FAM149B1: variants seen among roughly 807,000 people sequenced by gnomAD.
The protein encoded by FAM149B1 is primary cilium assembly protein FAM149B1.
Under a neutral mutation model 75.3 loss-of-function variants are expected in FAM149B1, and 56 were observed. The ratio of observed to expected loss-of-function variants is 0.74; its 90% confidence interval spans 0.60 to 0.93. FAM149B1 has a LOEUF of 0.93. Among genes scored for constraint, FAM149B1 ranks in the 40% least tolerant of loss-of-function variants. The pLI, the probability that FAM149B1 is intolerant of heterozygous loss-of-function variation, is 0.00. For missense variants in FAM149B1, 639 were observed against 708.4 expected, an observed-to-expected ratio of 0.90 and a Z score of 1.11; for synonymous variants, 259 against 256.1, an observed-to-expected ratio of 1.01 and a Z score of -0.11.
chr10:73,230,102 G>C (rs2133399203), intron 8 of FAM149B1, among the ~76,000 whole-genome samples: 1 of 152,226 alleles, frequency 6.6e-6, no homozygotes, highest in Middle Eastern at 3.4e-3. Context: ...TTTTGTCTGT[G>C]AGTTTTCTCT....
intron 3 of FAM149B1, among the ~76,000 whole-genome samples, chr10:73,180,710 TAAAAC>T (rs2042375904): frequency 1.3e-5 from 2 of 152,204 alleles, no homozygotes; most frequent in Admixed American, 1.3e-4. Flanking sequence ...TTTCATGGCT[TAAAAC>T]AAAATCCATT....
chr10:73,202,689 T>TTTTGTTTG (rs533683756), intron 5 of FAM149B1, among the ~76,000 whole-genome samples: 3 of 148,826 alleles, frequency 2.0e-5, no homozygotes, highest in Non-Finnish European at 1.5e-5. Flanking sequence ...CCTTTTTTTG[T>TTTTGTTTG]TTTGTTTGTT....
chr10:73,202,765 A>C (rs1022261319), intron 5 of FAM149B1, among the ~76,000 whole-genome samples: 1 of 151,502 alleles, frequency 6.6e-6, no homozygotes, highest in East Asian at 1.9e-4. Context: ...ATCTCAGCTC[A>C]TTACAGCCTT....
intron 4 of FAM149B1, 148 bp downstream of exon 4, chr10:73,192,846 G>A (rs1589150582): frequency 1.4e-6 from 1 of 692,154 alleles, no homozygotes; most frequent in Non-Finnish European, 2.1e-6. Flanking sequence ...CCTTGGCTAA[G>A]AGAAAACTTA....
rs1247930972 is a variant in FAM149B1 at position 73,232,928 on chromosome 10, T to C, written c.1128-11T>C. The C allele has an allele frequency of 6.7e-7, 1 of 1,484,626 alleles. No homozygotes were observed. Among genetic ancestry groups the C allele is most frequent in the East Asian group, 2.5e-5 (1 of 40,606 alleles). The allele number at this position is 1,484,626 out of a possible 1,614,324, so 92.0% of individuals were successfully genotyped here. On this transcript the variant is annotated splice_polypyrimidine_tract_variant and intron_variant, in intron 9 of 13. Coordinates refer to ENST00000242505, the MANE Select transcript of FAM149B1 (RefSeq NM_173348.2). The stretch of plus-strand genomic sequence containing the variant: ...CTTTACTTCATTGTGGGTTTCTGAT[T>C]TGGCTACTAGAGATCTTGATGACAA...
intron 11 of FAM149B1, 119 bp from the exon 12 acceptor site, chr10:73,235,074 C>A (rs1013161764): frequency 2.1e-6 from 3 of 1,443,416 alleles, no homozygotes; most frequent in African/African-American, 2.8e-5. Context: ...TAATTTATGA[C>A]GTGGAATTGG....
intron 7 of FAM149B1, among the ~76,000 whole-genome samples, chr10:73,215,076 G>C (rs1303166553): frequency 1.3e-5 from 2 of 152,072 alleles, no homozygotes. Context: ...GCAGTGGCAT[G>C]ATCTCGGCTC....
chr10:73,229,814 G>C (rs940991222), intron 8 of FAM149B1, among the ~76,000 whole-genome samples: 1 of 152,144 alleles, frequency 6.6e-6, no homozygotes, highest in Non-Finnish European at 1.5e-5. Flanking sequence ...CTGTGGCAGC[G>C]GAGACTGCCA....
intron 2 of FAM149B1, 116 bp from the exon 3 acceptor site, chr10:73,177,730 T>C (rs1175813863): frequency 1.1e-6 from 1 of 874,038 alleles, no homozygotes; most frequent in Non-Finnish European, 1.8e-6. Context: ...CCTATGTGGA[T>C]ATATTTGTAC....
intron 12 of FAM149B1, among the ~76,000 whole-genome samples, chr10:73,236,446 C>T (rs1464699410): frequency 6.7e-6 from 1 of 148,492 alleles, no homozygotes; most frequent in Non-Finnish European, 1.5e-5. Context: ...CGGAGTCTCG[C>T]TCTGTCACCT....
intron 1 of FAM149B1, among the ~76,000 whole-genome samples, chr10:73,172,242 TA>T (rs1843747190): frequency 6.6e-6 from 1 of 152,156 alleles, no homozygotes; most frequent in Non-Finnish European, 1.5e-5. Context: ...GACATACAGG[TA>T]AGTCTGCACA....
chr10:73,236,396 T>G (rs959899700), intron 12 of FAM149B1, among the ~76,000 whole-genome samples: 3 of 151,016 alleles, frequency 2.0e-5, no homozygotes, highest in Non-Finnish European at 4.4e-5. Flanking sequence ...TGCAGCTGCA[T>G]CACTCCCAAT....
chr10:73,204,944 ATTTTTTTTTTTTTTTTTTTTTTTTTTTT>A (rs71021549), intron 5 of FAM149B1, among the ~76,000 whole-genome samples: 490 of 36,574 alleles, frequency 0.013, 9 homozygotes, highest in African/African-American at 0.021. Context: ...TGCCTGGCTA[ATTTTTTTTTTTTTTTTTTTTTTTTTTTT>A]TTTTTTTTTT....
At chr10:73,168,672 AAGT>A (rs1413392636) in intron 1 of FAM149B1, among the ~76,000 whole-genome samples, 7 of 152,194 alleles carry the variant, frequency 4.6e-5, no homozygotes, top group Non-Finnish European at 1.0e-4. Flanking sequence ...GTAGCTCGAG[AAGT>A]TATTAATAGC....
chr10:73,168,327 G>A lies in FAM149B1; in HGVS notation c.-13G>A. 6.5e-7 allele frequency: 1 copy of A among 1,549,478 alleles called. No individual in the cohort carries two copies. Among genetic ancestry groups the A allele is most frequent in the Non-Finnish European group, 8.7e-7 (1 of 1,146,716 alleles). On this transcript the variant is annotated 5_prime_UTR_variant, in exon 1 of 14. Transcript: ENST00000242505. ...CGCGGCTGAGGAGGAGGAGGAGGAG[G>A]AGGAGGAGGAGGATGATCTCCAGAT...
In FAM149B1 at chr10:73,243,557, A is replaced by G; in HGVS notation, c.*2538A>G. On this transcript the variant is annotated 3_prime_UTR_variant, in exon 14 of 14. Transcript: ENST00000242505. ...TTAAAACACAAGCTTTCACAACATTATCCATAGACAGAAAGTACCTAGTGG... is the reference window on the plus strand; with the variant it reads ...TTAAAACACAAGCTTTCACAACATTGTCCATAGACAGAAAGTACCTAGTGG... 1.2e-6 allele frequency: 2 copies of G among 1,612,346 alleles called. No homozygotes were observed. Among genetic ancestry groups the G allele is most frequent in the Non-Finnish European group, 1.7e-6 (2 of 1,179,282 alleles).
At chr10:73,181,181 T>G (rs1390224344) in intron 3 of FAM149B1, among the ~76,000 whole-genome samples, 3 of 151,396 alleles carry the variant, frequency 2.0e-5, no homozygotes, top group South Asian at 4.2e-4. Flanking sequence ...TAATTTTTTG[T>G]ATTTTTTTTA....
At chr10:73,236,021 TG>T (rs2043812591) in intron 12 of FAM149B1, among the ~76,000 whole-genome samples, 1 of 152,154 alleles carries the variant, frequency 6.6e-6, no homozygotes, top group South Asian at 2.1e-4. Flanking sequence ...TTGGAGAGCC[TG>T]GGGAAGTAAC....
chr10:73,236,772 G>C (rs1306919851), intron 12 of FAM149B1, among the ~76,000 whole-genome samples: 4 of 149,852 alleles, frequency 2.7e-5, no homozygotes, highest in Non-Finnish European at 5.9e-5. Flanking sequence ...GCCCAGGCTG[G>C]AGTGCAGAGC....
Sources: allele counts gnomAD v4.1 joint callset (sites outside exome capture counted in the v4.1 genomes callset), GRCh38; gene constraint gnomAD v4.1.1; transcripts MANE v1.5; gene names NCBI Gene and HGNC (gene_info 2026-07-23, HGNC 2026-07-21).